NFE2L1: variants seen among roughly 807,000 people sequenced by gnomAD.
NFE2L1 encodes endoplasmic reticulum membrane sensor NFE2L1.
NFE2L1 carries 18 observed loss-of-function variants against 61.6 expected under a neutral mutation model. The ratio of observed to expected loss-of-function variants is 0.29; its 90% CI spans 0.20 to 0.43. The LOEUF (loss-of-function observed/expected upper bound fraction) is 0.43. Among genes scored for constraint, NFE2L1 ranks in the 20% least tolerant of loss-of-function variants. NFE2L1 has a pLI of 1.00. For missense variants in NFE2L1, 827 were observed against 973.5 expected (o/e 0.85, Z 2.00); for synonymous variants, 419 against 402.7 (o/e 1.04, Z -0.48).
chr17:48,055,000 G>A, intron 2 of NFE2L1: 2 of 1,510,610 alleles, frequency 1.3e-6, no homozygotes. Context: ...CGGCTGCCCT[G>A]GGGCTCATCT....
chr17:48,059,596 G>A lies in NFE2L1; in HGVS notation c.2274G>A (p.Gln758=), dbSNP rs552580081. 1.3e-6 allele frequency: 2 copies of A among 1,584,488 alleles called. No individual in the cohort carries two copies. Residue 758 remains glutamine (Q), a synonymous_variant, in exon 6 of 6, where the codon CAG becomes CAA. Transcript: ENST00000362042. The surrounding 1 kb of genome is among the most constrained non-coding windows in gnomAD (Gnocchi z 6.1). Reference sequence around the variant, plus strand: ...TCATCCCCCGCACGATGGCCGACCAGCAGGCCCGGCGGCAGGAGAGGAAGC... The same window carrying A: ...TCATCCCCCGCACGATGGCCGACCAACAGGCCCGGCGGCAGGAGAGGAAGC... The part of the protein sequence containing the change: ...VLLIPRTMAD[Q]QARRQERKPK...
chr17:48,057,979 T>A (rs888912846), intron 5 of NFE2L1, among the ~76,000 whole-genome samples: 1 of 152,222 alleles, frequency 6.6e-6, no homozygotes, highest in Non-Finnish European at 1.5e-5. Context: ...GACTTAAGTC[T>A]GGGTGTTCTT....
At position 48,058,940 on chromosome 17, in the gene NFE2L1, G is replaced by C. The variant is rs995949555; in HGVS notation, c.1618G>C (p.Gly540Arg). 5 of 1,613,878 alleles carry C rather than the reference G, an allele frequency of 3.1e-6. No homozygotes were observed. Among genetic ancestry groups the C allele is most frequent in the Non-Finnish European group, 4.2e-6 (5 of 1,180,038 alleles). The change falls in exon 6 of 6, where the codon GGT (glycine) becomes CGT (arginine). Residue 540 changes from glycine to arginine, a missense_variant. Gly to Arg is a moderately radical substitution (Grantham distance 125, BLOSUM62 -2). This residue lies in a region of NFE2L1 where 667 missense variants were observed against 748.4 expected (regional missense o/e 0.89). Transcript: ENST00000362042. Reference protein sequence around the residue: ...SETLDLEEAEGAVGYQPEYSK... With the variant: ...SETLDLEEAERAVGYQPEYSK... ...GACCCTGGATCTGGAAGAGGCCGAG[G>C]GTGCTGTGGGCTACCAGCCTGAGTA...
rs1430639702 is a variant in NFE2L1 at position 48,051,014 on chromosome 17, A to G, written c.-105A>G. ...GCCAGGGTGGGGTACGGGGTTTGACACTGAGGAGGGTAACCTGCTGGCTGG... is the reference window on the plus strand; with the variant it reads ...GCCAGGGTGGGGTACGGGGTTTGACGCTGAGGAGGGTAACCTGCTGGCTGG... On this transcript the variant is annotated 5_prime_UTR_variant, in exon 2 of 6. Transcript: ENST00000362042. 7.0e-7 allele frequency: 1 copy of G among 1,426,680 alleles called. No individual in the cohort carries two copies. Among genetic ancestry groups the G allele is most frequent in the East Asian group, 2.3e-5 (1 of 43,386 alleles). 88.4% of individuals were successfully genotyped at this position (1,426,680 alleles called of 1,614,324 possible).
At position 48,056,464 on chromosome 17, in the gene NFE2L1, C is replaced by T. The variant is rs372251551; in HGVS notation, c.589C>T (p.Arg197Cys). The T allele has an allele frequency of 4.0e-5, 64 of 1,613,984 alleles. No homozygotes were observed. The highest frequency in any genetic ancestry group is 6.6e-5 in the South Asian group (6 of 91,084). The change falls in exon 3 of 6, where the codon CGC becomes TGC. Residue 197 changes from arginine to cysteine, a missense_variant. Coordinates refer to ENST00000362042, the MANE Select transcript of NFE2L1 (RefSeq NM_003204.3). ...GCGTGAGGTTTTTGACTATAGTCAC[C>T]GCCAGAAGGAGCAGGATGTGGAGAA... ...AGREVFDYSH[R>C]QKEQDVEKEL... is the part of the protein sequence containing the mutation.
intron 2 of NFE2L1, among the ~76,000 whole-genome samples, chr17:48,053,608 T>C (rs978562591): frequency 1.3e-5 from 2 of 152,202 alleles, no homozygotes; most frequent in African/African-American, 4.8e-5. Flanking sequence ...GTGGCCTGTT[T>C]ACAGCTCTTT....
Position 48,049,962 on chromosome 17 carries a change from G to T in NFE2L1, c.-512-645G>T, listed in dbSNP as rs113436213. Among the ~76,000 whole-genome samples, 6 of 152,196 alleles carry T rather than the reference G, an allele frequency of 3.9e-5. No individual in the cohort carries two copies. In the South Asian group the frequency reaches 1.0e-3, roughly 26 times the overall value. On this transcript the variant is annotated intron_variant, in intron 1 of 5. Coordinates refer to ENST00000362042, the MANE Select transcript of NFE2L1 (RefSeq NM_003204.3). ...AGAAGCTGGGTAATGCGCCTGTAGTGGGGGAGGAGGGCTGGTAAATAAAAC... is the reference window on the plus strand; with the variant it reads ...AGAAGCTGGGTAATGCGCCTGTAGTTGGGGAGGAGGGCTGGTAAATAAAAC...
At position 48,050,613 on chromosome 17, in the gene NFE2L1, C is replaced by T. The variant is rs2037226323; in HGVS notation, c.-506C>T. ...TTTGTGATTCCCATTTCAGGTTTCTCTGGAAACCCCCCTGGTAAGTGTGGA... is the reference window on the plus strand; with the variant it reads ...TTTGTGATTCCCATTTCAGGTTTCTTTGGAAACCCCCCTGGTAAGTGTGGA... On this transcript the variant is annotated 5_prime_UTR_variant, in exon 2 of 6. Coordinates refer to ENST00000362042, the MANE Select transcript of NFE2L1 (RefSeq NM_003204.3). 2.4e-6 allele frequency: 1 copy of T among 408,590 alleles called. No individual in the cohort carries two copies. The highest frequency in any genetic ancestry group is 4.0e-5 in the Admixed American group (1 of 24,934). The allele number at this position is 408,590 out of a possible 1,614,324, so 25.3% of individuals were successfully genotyped here. A position where few individuals can be genotyped will look rare whatever the true frequency, so the allele number is the denominator to read the frequency against.
chr17:48,052,886 G>A (rs771876002), intron 2 of NFE2L1, among the ~76,000 whole-genome samples: 14 of 152,138 alleles, frequency 9.2e-5, no homozygotes, highest in East Asian at 3.9e-4. Context: ...TGAGACACTC[G>A]GCTCTGTGCT....
chr17:48,053,657 G>T (rs934405895), intron 2 of NFE2L1, among the ~76,000 whole-genome samples: 2 of 152,178 alleles, frequency 1.3e-5, no homozygotes, highest in African/African-American at 2.4e-5. Context: ...AGAACATACT[G>T]TCTCTCTGAC....
chr17:48,055,490 GC>G (rs2037377619), intron 2 of NFE2L1, among the ~76,000 whole-genome samples: 1 of 152,110 alleles, frequency 6.6e-6, no homozygotes, highest in Non-Finnish European at 1.5e-5. Context: ...CATTTTTGGT[GC>G]CCAAGGTGGC....
Position 48,059,808 on chromosome 17 carries a change from C to A in NFE2L1, c.*167C>A. The stretch of plus-strand genomic sequence containing the variant: ...GTGTACAGGAAGAGGCAGGCACTGG[C>A]TGGCTCAGCTCCACTCGGGTGGAGT... On this transcript the variant is annotated 3_prime_UTR_variant, in exon 6 of 6. Coordinates refer to ENST00000362042, the MANE Select transcript of NFE2L1 (RefSeq NM_003204.3). The surrounding 1 kb of genome is among the most constrained non-coding windows in gnomAD (Gnocchi z 6.1). 2.9e-6 allele frequency: 3 copies of A among 1,039,256 alleles called. No individual in the cohort carries two copies. Among genetic ancestry groups the A allele is most frequent in the Non-Finnish European group, 4.0e-6 (3 of 746,496 alleles). The allele number at this position is 1,039,256 out of a possible 1,614,324, so 64.4% of individuals were successfully genotyped here. A position where few individuals can be genotyped will look rare whatever the true frequency, so the allele number is the denominator to read the frequency against.
rs1022580354 is a variant in NFE2L1 at position 48,056,607 on chromosome 17, G to T, written c.723+9G>T. On this transcript the variant is annotated intron_variant, in intron 3 of 5. Transcript: ENST00000362042. ...AGAGCTTCCCTGCACAGGTACCATC[G>T]CCCCTGCTCACTGGGCTCTCTTCTT... 1 of 1,611,940 alleles carries T rather than the reference G, an allele frequency of 6.2e-7. No homozygotes were observed. Among genetic ancestry groups the T allele is most frequent in the Non-Finnish European group, 8.5e-7 (1 of 1,179,596 alleles).
chr17:48,054,580 C>T (rs2037341585), intron 2 of NFE2L1: 1 of 1,222,026 alleles, frequency 8.2e-7, no homozygotes, highest in African/African-American at 1.6e-5. Context: ...CTCTCTGCAG[C>T]CTCAGCAGTG....
At chr17:48,054,991 G>A (rs2037358125) in intron 2 of NFE2L1, 6 of 1,500,358 alleles carry the variant, frequency 4.0e-6, no homozygotes, top group Middle Eastern at 2.3e-4. Flanking sequence ...TCCCGGCACC[G>A]GCTGCCCTGG....
rs866608349 is a variant in NFE2L1 at position 48,059,164 on chromosome 17, T to G, written c.1842T>G (p.Asp614Glu). ...ADFLDKQMSRDEHRARAMKIP... is the reference protein window; with the variant it reads ...ADFLDKQMSREEHRARAMKIP... ...TCCTGGACAAGCAGATGAGCCGGGA[T>G]GAGCACCGAGCCCGAGCCATGAAGA... is the stretch of plus-strand genomic sequence containing the variant. The change falls in exon 6 of 6, where the codon GAT (aspartate) becomes GAG (glutamate). Residue 614 changes from aspartate (D) to glutamate (E), a missense_variant. Asp to Glu is a conservative substitution (Grantham distance 45, BLOSUM62 2). Around this residue, in one of 3 missense-constraint regions of NFE2L1, gnomAD observed 74 missense variants for 127.8 expected, o/e 0.58. Transcript: ENST00000362042. The surrounding 1 kb of genome is among the most constrained non-coding windows in gnomAD (Gnocchi z 6.1). 2 of 1,613,752 alleles carry G rather than the reference T, an allele frequency of 1.2e-6. No individual in the cohort carries two copies. Among genetic ancestry groups the G allele is most frequent in the African/African-American group, 2.7e-5 (2 of 74,828 alleles).
In NFE2L1 at chr17:48,057,332, GTT is replaced by G; in HGVS notation, c.814-9_814-8del. ...CCTTCCCCCTTGTTAAAGCCTCTGT[GTT>G]TTGCCCTAGTTTCCAGCAGACATTT... On this transcript the variant is annotated splice_polypyrimidine_tract_variant and intron_variant, in intron 4 of 5. Coordinates refer to ENST00000362042, the MANE Select transcript of NFE2L1 (RefSeq NM_003204.3). 1 of 1,612,732 alleles carries G rather than the reference GTT, an allele frequency of 6.2e-7. No individual in the cohort carries two copies. The highest frequency in any genetic ancestry group is 1.1e-5 in the South Asian group (1 of 90,798).
chr17:48,057,297 C>T (rs753392960), intron 4 of NFE2L1, 47 bp from the exon 5 acceptor site: 6 of 1,602,804 alleles, frequency 3.7e-6, no homozygotes, highest in Non-Finnish European at 4.3e-6. Context: ...GAGGAAAGCA[C>T]AAGGTTTTTC....
chr17:48,058,630 C>T lies in NFE2L1; in HGVS notation c.1308C>T (p.Asp436=), dbSNP rs746551607. The change falls in exon 6 of 6, where the codon GAC becomes GAT. Residue 436 remains aspartate, a synonymous_variant. Transcript: ENST00000362042. ...ANDTAGPELP[D]PLGGLLDEAM... ...ACACAGCAGGCCCAGAGCTGCCTGA[C>T]CCTTTGGGGGGTCTGTTAGATGAAG... 3 of 1,614,154 alleles carry T rather than the reference C, an allele frequency of 1.9e-6. No homozygotes were observed. Among genetic ancestry groups the T allele is most frequent in the Non-Finnish European group, 8.5e-7 (1 of 1,180,010 alleles).
Sources: allele counts gnomAD v4.1 joint callset (sites outside exome capture counted in the v4.1 genomes callset), GRCh38; gene constraint gnomAD v4.1.1; regional missense constraint gnomAD v4.1.1; non-coding constraint Gnocchi (gnomAD v3.1); transcripts MANE v1.5; gene names NCBI Gene and HGNC (gene_info 2026-07-23, HGNC 2026-07-21).